SLC17A5: variants seen among roughly 807,000 people sequenced by gnomAD.
SLC17A5 encodes sialin.
Under a neutral mutation model 59.4 loss-of-function variants are expected in SLC17A5, and 47 were observed. The observed-to-expected ratio is 0.79, with a 90% CI of 0.63 to 1.01. SLC17A5 has a LOEUF of 1.01. SLC17A5 is among the 50% of genes least tolerant of loss of function. SLC17A5 has a pLI of 0.00. For missense variants in SLC17A5, 522 were observed against 595.5 expected (o/e 0.88, Z 1.28); for synonymous variants, 202 against 210.7 (o/e 0.96, Z 0.36).
chr6:73,645,075 A>T (rs1479599882), intron 1 of SLC17A5, among the ~76,000 whole-genome samples: 2 of 152,198 alleles, frequency 1.3e-5, no homozygotes, highest in Non-Finnish European at 2.9e-5. Flanking sequence ...GCTGGCAAAG[A>T]TATACGGCAT....
Position 73,641,943 on chromosome 6 carries a change from A to T in SLC17A5, c.292-19T>A. 6.3e-7 allele frequency: 1 copy of T among 1,596,110 alleles called. No individual in the cohort carries two copies. The highest frequency in any genetic ancestry group is 1.3e-5 in the African/African-American group (1 of 74,678). On this transcript the variant is annotated intron_variant, in intron 2 of 10. Coordinates refer to ENST00000355773, the MANE Select transcript of SLC17A5 (RefSeq NM_012434.5). ...TCTTACCCTACAAAAATCAGAAAAG[A>T]ATAAAACAATCCTTTAAGACCTTCA...
At chr6:73,620,775 G>A (rs1404031426) in intron 7 of SLC17A5, among the ~76,000 whole-genome samples, 1 of 151,580 alleles carries the variant, frequency 6.6e-6, no homozygotes, top group Non-Finnish European at 1.5e-5. Context: ...AGGCTGGAGT[G>A]CAGGGGCATG....
intron 2 of SLC17A5, 49 bp from the exon 3 acceptor site, chr6:73,641,973 G>T: frequency 6.7e-7 from 1 of 1,486,686 alleles, no homozygotes; most frequent in Non-Finnish European, 9.4e-7. Context: ...CCTTCACAGA[G>T]CAGCTCTTTT....
intron 9 of SLC17A5, among the ~76,000 whole-genome samples, chr6:73,607,347 C>G (rs1767436711): frequency 6.6e-6 from 1 of 150,432 alleles, no homozygotes; most frequent in African/African-American, 2.5e-5. Flanking sequence ...TTGCTCACTG[C>G]AACCTCCACC....
chr6:73,632,434 CT>C (rs1163170650), intron 6 of SLC17A5, among the ~76,000 whole-genome samples: 3,342 of 86,648 alleles, frequency 0.039, 65 homozygotes, highest in Admixed American at 0.093. Context: ...GTAGAGAAAG[CT>C]TTTTTTTTTT....
intron 10 of SLC17A5, 48 bp downstream of exon 10, chr6:73,600,303 T>C (rs1766996862): frequency 7.7e-7 from 1 of 1,298,802 alleles, no homozygotes. Flanking sequence ...TTGACACAGA[T>C]GTGCAGCTCC....
At position 73,603,337 on chromosome 6, in the gene SLC17A5, G is replaced by C. The variant is rs144900007; in HGVS notation, c.1260-2896C>G. Among the ~76,000 whole-genome samples, 1,469 of 151,864 alleles carry C rather than the reference G, an allele frequency of 9.7e-3. 22 individuals are homozygous for C. Among genetic ancestry groups the C allele is most frequent in the African/African-American group, 0.033 (1,376 of 41,390 alleles). On this transcript the variant is annotated intron_variant, in intron 9 of 10. Transcript: ENST00000355773. The stretch of plus-strand genomic sequence containing the variant: ...GATCTCAGGTGATCCACCTGCCTCA[G>C]CCTCCCAAATTGCCAAATTGCTGGG...
At chr6:73,600,473 T>G in intron 9 of SLC17A5, 32 bp from the exon 10 acceptor site, 1 of 1,517,090 alleles carries the variant, frequency 6.6e-7, no homozygotes. Flanking sequence ...CGTTTATTAT[T>G]GTGATACACA....
At chr6:73,609,258 T>G (rs993322879) in intron 9 of SLC17A5, among the ~76,000 whole-genome samples, 1 of 152,214 alleles carries the variant, frequency 6.6e-6, no homozygotes, top group African/African-American at 2.4e-5. Context: ...TTTAGAAGTA[T>G]GTGGCTCAAA....
intron 6 of SLC17A5, among the ~76,000 whole-genome samples, chr6:73,632,040 A>G (rs909970093): frequency 6.5e-5 from 7 of 107,972 alleles, no homozygotes; most frequent in African/African-American, 2.5e-4. Context: ...AAGGTGACTC[A>G]TGCCTGTAAT....
At chr6:73,644,169 T>A (rs915921199) in intron 2 of SLC17A5, among the ~76,000 whole-genome samples, 9 of 152,200 alleles carry the variant, frequency 5.9e-5, no homozygotes, top group Non-Finnish European at 1.3e-4. Flanking sequence ...ATGGTATGTT[T>A]ATAGAGGGAA....
chr6:73,616,889 G>A (rs1767896778), intron 7 of SLC17A5, among the ~76,000 whole-genome samples: 2 of 152,096 alleles, frequency 1.3e-5, no homozygotes, highest in Admixed American at 6.6e-5. Flanking sequence ...TTACAGGGAT[G>A]AGCCACCGCG....
At chr6:73,616,288 C>A (rs77975839) in intron 7 of SLC17A5, among the ~76,000 whole-genome samples, 5 of 152,090 alleles carry the variant, frequency 3.3e-5, no homozygotes, top group Non-Finnish European at 5.9e-5. Context: ...CTTCCTCCCC[C>A]CTTAAATAAG....
In SLC17A5 at chr6:73,600,441, C is replaced by G. The variant is rs760766672; in HGVS notation, c.1260G>C (p.Ser420=). 6.2e-7 allele frequency: 1 copy of G among 1,608,632 alleles called. No homozygotes were observed. The highest frequency in any genetic ancestry group is 1.7e-5 in the Admixed American group (1 of 59,962). The change falls in exon 10 of 11, where the codon TCG becomes TCC. Residue 420 remains serine, a splice_region_variant and synonymous_variant. Coordinates refer to ENST00000355773, the MANE Select transcript of SLC17A5 (RefSeq NM_012434.5). ...TGATGCCCAGGAGGATACCAGCATA[C>G]CTGTAGAAACATTTTCATAGACGTT... ...FSINHLDIAP[S]YAGILLGITN...
chr6:73,638,562 T>G (rs1769134025), intron 3 of SLC17A5, 63 bp from the exon 4 acceptor site: 2 of 1,258,634 alleles, frequency 1.6e-6, no homozygotes, highest in Admixed American at 1.8e-5. Context: ...TGCTTTAAAG[T>G]AAGTTAAGTA....
intron 10 of SLC17A5, among the ~76,000 whole-genome samples, chr6:73,600,150 T>G (rs1766989379): frequency 6.6e-6 from 1 of 152,250 alleles, no homozygotes; most frequent in Non-Finnish European, 1.5e-5. Flanking sequence ...TCATTTGACT[T>G]AGTTCAATTG....
At chr6:73,626,522 T>C (rs1768424962) in intron 6 of SLC17A5, among the ~76,000 whole-genome samples, 1 of 152,178 alleles carries the variant, frequency 6.6e-6, no homozygotes, top group South Asian at 2.1e-4. Flanking sequence ...TAAAGATGAA[T>C]TTTCAAATGT....
In SLC17A5 at chr6:73,604,794, T is replaced by C. The variant is rs370261921; in HGVS notation, c.1260-4353A>G. Among the ~76,000 whole-genome samples the C allele has an allele frequency of 3.9e-5, 6 of 152,224 alleles. No individual in the cohort carries two copies. The South Asian group carries it at 6.2e-4, about 16-fold the overall frequency. On this transcript the variant is annotated intron_variant, in intron 9 of 10. Transcript: ENST00000355773. ...TGATAACATAAAATCTCTATTTCAG[T>C]CTATAGAAGTAAAGGCCTATAAAAT...
At chr6:73,653,554 C>T (rs1439513528) in intron 1 of SLC17A5, 2 of 885,892 alleles carry the variant, frequency 2.3e-6, no homozygotes, top group Non-Finnish European at 2.7e-6. Context: ...CCTGCCGAGG[C>T]CCCGGCTCGG....
Sources: allele counts gnomAD v4.1 joint callset (sites outside exome capture counted in the v4.1 genomes callset), GRCh38; gene constraint gnomAD v4.1.1; transcripts MANE v1.5; gene names NCBI Gene and HGNC (gene_info 2026-07-23, HGNC 2026-07-21).